Variants in ATP8B1 observed in about 807,000 individuals in gnomAD.
ATP8B1 encodes the protein ATPase phospholipid transporting 8B1.
A neutral mutation model predicts 149.9 loss-of-function variants in ATP8B1; 80 were observed. That is an observed-to-expected ratio of 0.53 (90% CI 0.45 to 0.64). ATP8B1 has a LOEUF of 0.64. Ranked by LOEUF, ATP8B1 falls within the 30% of genes least tolerant of loss-of-function variation. The probability of loss-of-function intolerance (pLI) is 0.00; values close to 1 mark genes in which losing one functional copy is unlikely to be tolerated. For synonymous variants in ATP8B1, 536 were observed against 562.8 expected (o/e 0.95, Z 0.67); for missense variants, 1,247 against 1,552.6 (o/e 0.80, Z 3.31).
At chr18:57,741,937 T>G (rs1389354880) in intron 1 of ATP8B1, among the ~76,000 whole-genome samples, 2 of 152,170 alleles carry the variant, frequency 1.3e-5, no homozygotes, top group Non-Finnish European at 1.5e-5. Flanking sequence ...TGGTGTGATC[T>G]CAGCTCACTG....
intron 1 of ATP8B1, among the ~76,000 whole-genome samples, chr18:57,779,902 A>T (rs568238509): frequency 7.9e-5 from 12 of 152,040 alleles, no homozygotes; most frequent in Non-Finnish European, 1.8e-4. Flanking sequence ...CGTCTCAAAA[A>T]AAAAAAAAAG....
chr18:57,742,835 A>C (rs1360879073), intron 1 of ATP8B1, among the ~76,000 whole-genome samples: 2 of 151,224 alleles, frequency 1.3e-5, no homozygotes, highest in African/African-American at 4.9e-5. Context: ...ATAAAAAAAA[A>C]AAAAACAAAA....
intron 27 of ATP8B1, 55 bp downstream of exon 27, chr18:57,650,312 A>G: frequency 6.2e-7 from 1 of 1,600,402 alleles, no homozygotes; most frequent in Non-Finnish European, 8.5e-7. Flanking sequence ...TGCTGTTGGG[A>G]AACGCTTTGG....
intron 4 of ATP8B1, among the ~76,000 whole-genome samples, chr18:57,703,571 G>A (rs1220922662): frequency 4.6e-5 from 4 of 87,372 alleles, no homozygotes; most frequent in East Asian, 4.5e-4. Flanking sequence ...AGCGAAACAC[G>A]GTCTCAAAAA....
intron 22 of ATP8B1, among the ~76,000 whole-genome samples, chr18:57,656,534 C>T (rs538074984): frequency 1.4e-4 from 21 of 151,686 alleles, no homozygotes; most frequent in African/African-American, 3.6e-4. Flanking sequence ...TACAGATGTG[C>T]GCCACCACAC....
intron 15 of ATP8B1, 128 bp from the exon 16 acceptor site, chr18:57,675,150 C>T (rs544379485): frequency 1.0e-4 from 90 of 892,972 alleles, no homozygotes; most frequent in East Asian, 9.0e-4. Flanking sequence ...CCCAGGAAAA[C>T]GAGTCATTGA....
At chr18:57,729,043 A>G (rs1260826578) in intron 2 of ATP8B1, among the ~76,000 whole-genome samples, 2 of 152,122 alleles carry the variant, frequency 1.3e-5, no homozygotes, top group Non-Finnish European at 2.9e-5. Flanking sequence ...TTTAATGCCC[A>G]TATACCGAGG....
At position 57,723,216 on chromosome 18, in the gene ATP8B1, C is replaced by T. The variant is rs2079666703; in HGVS notation, c.181+8411G>A. 2.1e-5 allele frequency among the ~76,000 whole-genome samples: 3 copies of T among 143,604 alleles called. No individual in the cohort carries two copies. The South Asian group carries it at 6.6e-4, about 32-fold the overall frequency. 94.2% of individuals were successfully genotyped at this position (143,604 alleles called of 152,430 possible). ...GTCAGGGATGCCCTCTCTCACCACTCCTATTCAACATAGTGTTGGAAGTTC... is the reference window on the plus strand; with the variant it reads ...GTCAGGGATGCCCTCTCTCACCACTTCTATTCAACATAGTGTTGGAAGTTC... On this transcript the variant is annotated intron_variant, in intron 2 of 27. Coordinates refer to ENST00000648908, the MANE Select transcript of ATP8B1 (RefSeq NM_001374385.1).
chr18:57,797,715 T>C (rs1292478842), intron 1 of ATP8B1, among the ~76,000 whole-genome samples: 2 of 142,742 alleles, frequency 1.4e-5, no homozygotes, highest in Admixed American at 7.0e-5. Flanking sequence ...TTTTTTTTTT[T>C]TTTTTTTTTT....
At position 57,661,286 on chromosome 18, in the gene ATP8B1, G is replaced by A. The variant is rs201885528; in HGVS notation, c.2595C>T (p.Cys865=). 429 of 1,613,986 alleles carry A rather than the reference G, an allele frequency of 2.7e-4. 1 individual carries two copies. The highest frequency in any genetic ancestry group is 5.0e-4 in the Admixed American group (30 of 59,994). Residue 865 remains cysteine, a synonymous_variant, in exon 22 of 28, where the codon TGC becomes TGT. Coordinates refer to ENST00000648908, the MANE Select transcript of ATP8B1 (RefSeq NM_001374385.1). ...CCTTCTGCTTGGGGGTGACGCGGCA[G>A]CAGATGACTGCGCTGCACTCGCAGG... ...DLACECSAVI[C]CRVTPKQKAM... is the part of the protein sequence containing the mutation.
At chr18:57,762,321 T>C (rs1028967026) in intron 1 of ATP8B1, among the ~76,000 whole-genome samples, 1 of 151,928 alleles carries the variant, frequency 6.6e-6, no homozygotes, top group African/African-American at 2.4e-5. Flanking sequence ...GTATTTTCAG[T>C]AGAGACAGGG....
At position 57,802,033 on chromosome 18, in the gene ATP8B1, CG is replaced by C. The variant is rs2080580803; in HGVS notation, c.-26+964del. ...TCCAGTCTCCCCCGTACAACCGTCACGGATCTGCGCTCCGAGCACCGCCCCC... is the reference window on the plus strand; with the variant it reads ...TCCAGTCTCCCCCGTACAACCGTCACGATCTGCGCTCCGAGCACCGCCCCC... On this transcript the variant is annotated intron_variant, in intron 1 of 27. Transcript: ENST00000648908. This position sits in a 1 kb window ranked among gnomAD's most constrained non-coding sequence, Gnocchi z 4.9. 6.8e-6 allele frequency: 1 copy of C among 146,616 alleles called. No individual in the cohort carries two copies. Among genetic ancestry groups the C allele is most frequent in the Non-Finnish European group, 1.5e-5 (1 of 67,376 alleles). The allele number at this position is 146,616 out of a possible 1,614,324, so 9.1% of individuals were successfully genotyped here. A position where few individuals can be genotyped will look rare whatever the true frequency, so the allele number is the denominator to read the frequency against.
intron 1 of ATP8B1, among the ~76,000 whole-genome samples, chr18:57,768,308 A>C (rs1311972592): frequency 1.4e-5 from 2 of 145,734 alleles, no homozygotes; most frequent in Non-Finnish European, 3.0e-5. Flanking sequence ...AATTGCTTGA[A>C]CCCAGGAGGC....
intron 22 of ATP8B1, among the ~76,000 whole-genome samples, chr18:57,656,373 ATTTC>A (rs1406410829): frequency 6.9e-6 from 1 of 145,720 alleles, no homozygotes; most frequent in African/African-American, 2.5e-5. Flanking sequence ...AAATAGTTAT[ATTTC>A]TTTCTCTCTC....
intron 1 of ATP8B1, among the ~76,000 whole-genome samples, chr18:57,753,114 C>T (rs77396805): frequency 0.14 from 21,010 of 151,946 alleles, 1,872 homozygotes; most frequent in South Asian, 0.31. Context: ...TAAAAAACCC[C>T]GATTAAAGAA....
chr18:57,674,632 C>T (rs374648817), intron 16 of ATP8B1, among the ~76,000 whole-genome samples: 35 of 151,982 alleles, frequency 2.3e-4, no homozygotes, highest in East Asian at 3.9e-4. Context: ...GTGATCCACC[C>T]GCCTCGGCCT....
chr18:57,764,290 C>A (rs545829271), intron 1 of ATP8B1, among the ~76,000 whole-genome samples: 1 of 150,574 alleles, frequency 6.6e-6, no homozygotes, highest in South Asian at 2.1e-4. Flanking sequence ...TTCTTTCTTT[C>A]TTCTTTTCTT....
intron 1 of ATP8B1, among the ~76,000 whole-genome samples, chr18:57,747,207 CT>C (rs1478919060): frequency 6.6e-6 from 1 of 152,114 alleles, no homozygotes; most frequent in African/African-American, 2.4e-5. Flanking sequence ...AATCCCAGCA[CT>C]TTGGGAAGCC....
At chr18:57,799,684 G>A (rs1421034647) in intron 1 of ATP8B1, among the ~76,000 whole-genome samples, 1 of 138,420 alleles carries the variant, frequency 7.2e-6, no homozygotes, top group Non-Finnish European at 1.5e-5. Flanking sequence ...CAGTCTGGGC[G>A]ACAGAGCAAG....
Sources: gnomAD v4.1 joint callset for allele counts (sites outside exome capture counted in the v4.1 genomes callset) on GRCh38, gnomAD v4.1.1 for gene constraint, Gnocchi (gnomAD v3.1) non-coding constraint, MANE v1.5 for transcripts, NCBI Gene and HGNC (gene_info 2026-07-23, HGNC 2026-07-21) for gene names.